Variants in MYL11 observed in about 807,000 individuals in gnomAD.
The protein encoded by MYL11 is myosin regulatory light chain 11.
the MYL11 span, chr16:30,374,633 C>T: frequency 7.7e-4 from 421 of 544,380 alleles, 1 homozygote; most frequent in Middle Eastern, 5.7e-3. Flanking sequence ...CATGCTCCCC[C>T]CTTCCTCCCC....
At chr16:30,376,407 C>T in the MYL11 span, 1 of 1,607,930 alleles carries the variant, frequency 6.2e-7, no homozygotes, top group Non-Finnish European at 8.5e-7. Flanking sequence ...CCCATGCTTC[C>T]CCCAACCCCC....
At chr16:30,371,282 C>T in the MYL11 span, among the ~76,000 whole-genome samples, 1 of 152,158 alleles carries the variant, frequency 6.6e-6, no homozygotes, top group Admixed American at 6.5e-5. Context: ...CCAATGAGTG[C>T]CGCGCTGCCC....
the MYL11 span, chr16:30,376,460 G>C: frequency 6.2e-7 from 1 of 1,614,006 alleles, no homozygotes; most frequent in Admixed American, 1.7e-5. Flanking sequence ...TGGATGCCAT[G>C]ATGAAGGAAG....
chr16:30,374,113 C>T, the MYL11 span, among the ~76,000 whole-genome samples: 1 of 151,858 alleles, frequency 6.6e-6, no homozygotes, highest in Non-Finnish European at 1.5e-5. Context: ...AAGATTGAGA[C>T]CACTCTGGCC....
At chr16:30,377,860 GC>G in the MYL11 span, 1 of 1,613,966 alleles carries the variant, frequency 6.2e-7, no homozygotes, top group Non-Finnish European at 8.5e-7. Flanking sequence ...AAAAACATCT[GC>G]TACGTCATCA....
the MYL11 span, chr16:30,377,766 T>G: frequency 2.0e-5 from 33 of 1,610,650 alleles, no homozygotes; most frequent in Non-Finnish European, 2.7e-5. Flanking sequence ...ACTAAGGGCC[T>G]GTGCGAGACG....
At chr16:30,374,847 A>G in the MYL11 span, 32 of 1,613,414 alleles carry the variant, frequency 2.0e-5, no homozygotes, top group Admixed American at 6.7e-5. Flanking sequence ...TGCCCCCCGG[A>G]GACTGAAGAC....
At chr16:30,377,928 C>T in the MYL11 span, 38 of 1,582,048 alleles carry the variant, frequency 2.4e-5, no homozygotes, top group Non-Finnish European at 3.3e-5. Flanking sequence ...CGCTGCCCGA[C>T]GCTTCTGTTC....
chr16:30,374,629 C>T, the MYL11 span: 1 of 539,588 alleles, frequency 1.9e-6, no homozygotes, highest in East Asian at 3.2e-5. Flanking sequence ...AAGACATGCT[C>T]CCCCCTTCCT....
At chr16:30,375,813 C>T in the MYL11 span, 1 of 1,613,480 alleles carries the variant, frequency 6.2e-7, no homozygotes. Context: ...CAACCCTCAC[C>T]CTCCAGGCAC....
At chr16:30,371,826 G>T in the MYL11 span, among the ~76,000 whole-genome samples, 1 of 152,030 alleles carries the variant, frequency 6.6e-6, no homozygotes, top group Non-Finnish European at 1.5e-5. Context: ...TCTCATGAGC[G>T]CTCCAGGTTG....
chr16:30,375,967 C>T, the MYL11 span: 4 of 1,578,314 alleles, frequency 2.5e-6, no homozygotes, highest in East Asian at 2.3e-5. Flanking sequence ...CCTGCTGGCC[C>T]TCTCCCTGGA....
the MYL11 span, chr16:30,374,880 C>T: frequency 6.2e-7 from 1 of 1,613,196 alleles, no homozygotes; most frequent in African/African-American, 1.3e-5. Flanking sequence ...AATCCTCCAA[C>T]CCCTGCCCAG....
chr16:30,374,890 G>A, the MYL11 span: 1 of 1,612,298 alleles, frequency 6.2e-7, no homozygotes, highest in Non-Finnish European at 8.5e-7. Flanking sequence ...CCCCTGCCCA[G>A]ATCCCTTAGA....
chr16:30,376,827 G>GATT, the MYL11 span: 3 of 863,482 alleles, frequency 3.5e-6, no homozygotes, highest in Non-Finnish European at 3.6e-6. Flanking sequence ...AGTGCTTTGG[G>GATT]AGGCAGAGGC....
At chr16:30,375,761 C>A in the MYL11 span, 1 of 1,400,578 alleles carries the variant, frequency 7.1e-7, no homozygotes, top group South Asian at 1.2e-5. Flanking sequence ...TAATCCATTG[C>A]CCCCAGAGAG....
the MYL11 span, among the ~76,000 whole-genome samples, chr16:30,373,710 C>T: frequency 6.7e-6 from 1 of 149,948 alleles, no homozygotes; most frequent in Non-Finnish European, 1.5e-5. Flanking sequence ...TGCAGTAAGC[C>T]GAGATCGCAC....
the MYL11 span, among the ~76,000 whole-genome samples, chr16:30,374,517 G>A: frequency 1.3e-5 from 2 of 152,286 alleles, no homozygotes; most frequent in East Asian, 3.9e-4. Flanking sequence ...CTCCCAGAAT[G>A]ATGCCTTGGG....
the MYL11 span, among the ~76,000 whole-genome samples, chr16:30,373,635 G>A: frequency 3.6e-4 from 55 of 151,278 alleles, no homozygotes; most frequent in African/African-American, 1.3e-3. Context: ...GGTGGCGGGT[G>A]CCTGGAATCC....
Sources: gnomAD v4.1 joint callset for allele counts (sites outside exome capture counted in the v4.1 genomes callset) on GRCh38, gnomAD v4.1.1 for gene constraint, MANE v1.5 for transcripts, NCBI Gene and HGNC (gene_info 2026-07-23, HGNC 2026-07-21) for gene names.